Variants in TTLL1 observed in about 807,000 individuals in gnomAD.
TTLL1 encodes TTL family tubulin polyglutamylase complex subunit L1, also known as polyglutamylase complex subunit TTLL1.
A neutral mutation model predicts 47.8 loss-of-function variants in TTLL1; 33 were observed. That is an observed-to-expected ratio of 0.69 (90% CI 0.52 to 0.92). The LOEUF (loss-of-function observed/expected upper bound fraction) is 0.92, where lower values mean the gene tolerates loss of function less well. TTLL1 is among the 40% of genes least tolerant of loss of function. The probability of loss-of-function intolerance (pLI) is 0.00; values close to 1 mark genes in which losing one functional copy is unlikely to be tolerated. For missense variants in TTLL1, 488 were observed against 547.5 expected (o/e 0.89, Z 1.08); for synonymous variants, 225 against 214.1 (o/e 1.05, Z -0.45).
Position 43,059,390 on chromosome 22 carries a change from A to G in TTLL1, c.885T>C (p.Ala295=), listed in dbSNP as rs1927247591. ...CCGCCCGCACCAAACTCACCGCCAC[A>G]GCCTTCAGGGACTGCACGATGATCC... The part of the protein sequence containing the change: ...IHWIIVQSLK[A]VAPVMNNDKH... The change falls in exon 8 of 11, where the codon GCT becomes GCC. Residue 295 remains alanine, a synonymous_variant. Transcript: ENST00000266254. The G allele has an allele frequency of 4.3e-6, 7 of 1,611,304 alleles. No homozygotes were observed. The highest frequency in any genetic ancestry group is 5.9e-6 in the Non-Finnish European group (7 of 1,178,686).
intron 3 of TTLL1, among the ~76,000 whole-genome samples, chr22:43,070,577 C>T (rs1206720464): frequency 6.6e-6 from 1 of 152,112 alleles, no homozygotes; most frequent in Non-Finnish European, 1.5e-5. Context: ...CCGGAGCCCC[C>T]GAAGGGTTGC....
rs376330722 is a variant in TTLL1, at chr22:43,059,533, G to A, written c.748-6C>T. 3.8e-4 allele frequency: 620 copies of A among 1,611,190 alleles called. 7 individuals carry two copies. The highest frequency in any genetic ancestry group is 3.6e-3 in the South Asian group (324 of 90,666). On this transcript the variant is annotated splice_region_variant and splice_polypyrimidine_tract_variant and intron_variant, in intron 7 of 10. Transcript: ENST00000266254. ...TGGATGTGGTTGTAGTCCTCCTGGT[G>A]ACGGGAAAGCGGGCAGGCATCCCTC...
intron 1 of TTLL1, among the ~76,000 whole-genome samples, chr22:43,080,902 CTT>C (rs10529079): frequency 2.2e-4 from 15 of 69,294 alleles, no homozygotes; most frequent in East Asian, 7.6e-4. Flanking sequence ...TGTTGCATGA[CTT>C]TTTTTTTTTT....
At chr22:43,062,277 G>A (rs1277573263) in intron 7 of TTLL1, among the ~76,000 whole-genome samples, 1 of 152,110 alleles carries the variant, frequency 6.6e-6, no homozygotes, top group Non-Finnish European at 1.5e-5. Context: ...TGGATCACGA[G>A]GTCAAGAGAT....
In TTLL1 at chr22:43,068,605, C is replaced by T; in HGVS notation, c.323-15G>A. On this transcript the variant is annotated splice_polypyrimidine_tract_variant and intron_variant, in intron 4 of 10. Coordinates refer to ENST00000266254, the MANE Select transcript of TTLL1 (RefSeq NM_012263.5). ...TGGAACAAAGTCTGCAAGGCAAAGA[C>T]ACCCAGCACTGGTAAGCAGCCAGCC... 4.8e-6 allele frequency: 7 copies of T among 1,453,218 alleles called. No homozygotes were observed. Among genetic ancestry groups the T allele is most frequent in the Non-Finnish European group, 6.5e-6 (7 of 1,083,744 alleles). 90.0% of individuals were successfully genotyped at this position (1,453,218 alleles called of 1,614,324 possible). A position where few individuals can be genotyped will look rare whatever the true frequency, so the allele number is the denominator to read the frequency against.
At chr22:43,053,810 A>G (rs1926810914) in intron 8 of TTLL1, among the ~76,000 whole-genome samples, 1 of 152,248 alleles carries the variant, frequency 6.6e-6, no homozygotes, top group South Asian at 2.1e-4. Context: ...GAGGCCCAGA[A>G]GGAGTCGTTC....
intron 7 of TTLL1, among the ~76,000 whole-genome samples, chr22:43,060,014 GT>G (rs1357833722): frequency 2.6e-5 from 4 of 151,746 alleles, no homozygotes; most frequent in African/African-American, 9.7e-5. Context: ...TTAATGTGGG[GT>G]TTTTCTGTTT....
intron 2 of TTLL1, among the ~76,000 whole-genome samples, chr22:43,076,258 C>CACCCCTCACACCCACAGA: frequency 6.6e-6 from 1 of 151,040 alleles, no homozygotes; most frequent in East Asian, 2.0e-4. Flanking sequence ...GAGTTCAAGA[C>CACCCCTCACACCCACAGA]CAGCGTGGCC....
intron 1 of TTLL1, among the ~76,000 whole-genome samples, chr22:43,084,819 C>T (rs1289292753): frequency 6.6e-6 from 1 of 151,860 alleles, no homozygotes; most frequent in East Asian, 1.9e-4. Flanking sequence ...AGGTTTCAAC[C>T]ACAAGCTTCC....
In TTLL1 at chr22:43,070,352, T is replaced by A. The variant is rs1928035751; in HGVS notation, c.114-508A>T. The A allele has an allele frequency of 6.0e-6, 3 of 501,154 alleles. No individual in the cohort carries two copies. In the African/African-American group the frequency reaches 6.1e-5, roughly 10 times the overall value. 31.0% of individuals were successfully genotyped at this position (501,154 alleles called of 1,614,324 possible). A position where few individuals can be genotyped will look rare whatever the true frequency, so the allele number is the denominator to read the frequency against. Reference sequence around the variant, plus strand: ...GGGGACGACAGAGTTGAAAGAGAAATAGATTCCTTCTGAGCCTCTGAGAAA... The same window carrying A: ...GGGGACGACAGAGTTGAAAGAGAAAAAGATTCCTTCTGAGCCTCTGAGAAA... On this transcript the variant is annotated intron_variant, in intron 3 of 10. Transcript: ENST00000266254.
intron 3 of TTLL1, among the ~76,000 whole-genome samples, chr22:43,072,235 T>C (rs943665809): frequency 3.4e-5 from 5 of 148,294 alleles, no homozygotes; most frequent in African/African-American, 1.2e-4. Context: ...CTCACTGCAA[T>C]CTCCGCCTCC....
At chr22:43,053,449 G>GA (rs1475236284) in intron 8 of TTLL1, among the ~76,000 whole-genome samples, 2 of 152,208 alleles carry the variant, frequency 1.3e-5, no homozygotes, top group African/African-American at 4.8e-5. Flanking sequence ...TACTGTCCCA[G>GA]AAAATGTCTG....
chr22:43,060,130 T>G (rs1011734450), intron 7 of TTLL1, among the ~76,000 whole-genome samples: 2 of 152,136 alleles, frequency 1.3e-5, no homozygotes, highest in Non-Finnish European at 2.9e-5. Context: ...TGGCCTTCCG[T>G]GGGTATTTTA....
chr22:43,062,405 C>T (rs1284773237), intron 7 of TTLL1, among the ~76,000 whole-genome samples: 3 of 151,008 alleles, frequency 2.0e-5, no homozygotes, highest in South Asian at 2.1e-4. Context: ...GCAGGAGAAT[C>T]GCTTGAACCT....
intron 4 of TTLL1, 65 bp from the exon 5 acceptor site, chr22:43,068,655 T>C: frequency 3.7e-6 from 5 of 1,352,602 alleles, no homozygotes; most frequent in Non-Finnish European, 4.8e-6. Flanking sequence ...AACAGAAAGA[T>C]CTTGCCCTTG....
In TTLL1 at chr22:43,046,496, G is replaced by A. The variant is rs1228180559; in HGVS notation, c.1056C>T (p.Leu352=). Residue 352 remains leucine (L), a synonymous_variant, in exon 10 of 11, where the codon CTC becomes CTT. Transcript: ENST00000266254. ...TTTCACCATTCGGGACGGCGATGTT[G>A]AGGGTGTCATTAATCAGGTTGTACT... ...ILKYNLINDT[L]NIAVPNGEIP... 7 of 1,614,150 alleles carry A rather than the reference G, an allele frequency of 4.3e-6. No individual in the cohort carries two copies. The Admixed American group carries it at 1.2e-4, about 27-fold the overall frequency.
At chr22:43,040,055 C>A in intron 10 of TTLL1, 150 bp from the exon 11 acceptor site, 3 of 1,055,492 alleles carry the variant, frequency 2.8e-6, no homozygotes, top group Non-Finnish European at 4.0e-6. Flanking sequence ...TCCCGCCCAC[C>A]TCCCACCTGG....
intron 10 of TTLL1, 172 bp from the exon 11 acceptor site, chr22:43,040,077 C>T: frequency 1.2e-6 from 1 of 800,836 alleles, no homozygotes; most frequent in Non-Finnish European, 1.9e-6. Context: ...TCCAGCCCAC[C>T]TGCCTGCCAG....
At position 43,060,854 on chromosome 22, in the gene TTLL1, C is replaced by A. The variant is rs78177311; in HGVS notation, c.748-1327G>T. ...AAACAAAACCAGCCTACTAACTCTTCGAGCAAACACCACTGACTCAAAGCA... is the reference window on the plus strand; with the variant it reads ...AAACAAAACCAGCCTACTAACTCTTAGAGCAAACACCACTGACTCAAAGCA... On this transcript the variant is annotated intron_variant, in intron 7 of 10. Coordinates refer to ENST00000266254, the MANE Select transcript of TTLL1 (RefSeq NM_012263.5). Among the ~76,000 whole-genome samples the A allele has an allele frequency of 6.7e-3, 1,026 of 152,290 alleles. 10 individuals carry two copies. Among genetic ancestry groups the A allele is most frequent in the African/African-American group, 0.024 (986 of 41,542 alleles).
Sources: gnomAD v4.1 joint callset for allele counts (sites outside exome capture counted in the v4.1 genomes callset) on GRCh38, gnomAD v4.1.1 for gene constraint, MANE v1.5 for transcripts, NCBI Gene and HGNC (gene_info 2026-07-23, HGNC 2026-07-21) for gene names.